Variants in ZNF483 observed in about 807,000 individuals in gnomAD.
ZNF483 encodes zinc finger protein HIT-10.
ZNF483 carries 9 observed loss-of-function variants against 28.6 expected under a neutral mutation model. That is an observed-to-expected ratio of 0.32 (90% CI 0.19 to 0.55). The LOEUF (loss-of-function observed/expected upper bound fraction) is 0.55, where lower values mean the gene tolerates loss of function less well. Ranked by LOEUF, ZNF483 falls within the 20% of genes least tolerant of loss-of-function variation. The probability of loss-of-function intolerance (pLI) is 0.93; values close to 1 mark genes in which losing one functional copy is unlikely to be tolerated. For synonymous variants in ZNF483, 322 were observed against 306.2 expected, an observed-to-expected ratio of 1.05 and a Z score of -0.54; for missense variants, 675 against 871.7, an observed-to-expected ratio of 0.77 and a Z score of 2.84.
At chr9:111,560,695 G>C (rs1828256191) in intron 5 of ZNF483, among the ~76,000 whole-genome samples, 1 of 143,428 alleles carries the variant, frequency 7.0e-6, no homozygotes, top group African/African-American at 2.6e-5. Context: ...TGTAATCCCA[G>C]CACTTTGGGA....
chr9:111,564,277 TTTATTATTATTA>T lies in ZNF483; in HGVS notation c.722-12055_722-12044del, dbSNP rs3031175. The stretch of plus-strand genomic sequence containing the variant: ...AAGTAGGGAAGCTGAAATTTAAACT[TTTATTATTATTA>T]TTATTATTATTATTATTATTATTAT... On this transcript the variant is annotated intron_variant, in intron 5 of 5. Coordinates refer to the ZNF483 transcript ENST00000358151. 1,209 of 486,280 alleles carry T rather than the reference TTTATTATTATTA, an allele frequency of 2.5e-3. 8 individuals are homozygous for T. The highest frequency in any genetic ancestry group is 0.014 in the African/African-American group (608 of 42,894). 30.1% of individuals were successfully genotyped at this position (486,280 alleles called of 1,614,324 possible). A position where few individuals can be genotyped will look rare whatever the true frequency, so the allele number is the denominator to read the frequency against.
chr9:111,544,318 T>C lies in ZNF483; in HGVS notation c.*1148T>C, dbSNP rs189378924. Reference sequence around the variant, plus strand: ...ATTCTGTGTGGCAACAGTTAAAAGCTGTTATAACAATTTGCTTGGGTGTGT... The same window carrying C: ...ATTCTGTGTGGCAACAGTTAAAAGCCGTTATAACAATTTGCTTGGGTGTGT... On this transcript the variant is annotated 3_prime_UTR_variant, in exon 6 of 6. Coordinates refer to ENST00000309235, the MANE Select transcript of ZNF483 (RefSeq NM_133464.5). 14 of 984,948 alleles carry C rather than the reference T, an allele frequency of 1.4e-5. No individual in the cohort carries two copies. The South Asian group carries it at 3.8e-4, about 26-fold the overall frequency. 61.0% of individuals were successfully genotyped at this position (984,948 alleles called of 1,614,324 possible).
At chr9:111,529,589 TA>T (rs1827268922) in intron 2 of ZNF483, among the ~76,000 whole-genome samples, 1 of 152,264 alleles carries the variant, frequency 6.6e-6, no homozygotes, top group African/African-American at 2.4e-5. Flanking sequence ...CTATGAAGAA[TA>T]CACAGTTTTA....
chr9:111,561,912 T>G (rs1828335164), intron 5 of ZNF483, among the ~76,000 whole-genome samples: 1 of 149,328 alleles, frequency 6.7e-6, no homozygotes, highest in African/African-American at 2.5e-5. Flanking sequence ...TGAGATGGAG[T>G]TTTGCTCTTG....
intron 5 of ZNF483, chr9:111,563,567 G>A (rs571405038): frequency 7.3e-4 from 121 of 165,586 alleles, no homozygotes; most frequent in Non-Finnish European, 1.0e-3. Flanking sequence ...GTGCAGTGCC[G>A]CGATCTTGGC....
Position 111,543,243 on chromosome 9 carries a change from A to G in ZNF483, c.*73A>G. 6.6e-7 allele frequency: 1 copy of G among 1,521,380 alleles called. No homozygotes were observed. The highest frequency in any genetic ancestry group is 1.3e-5 in the South Asian group (1 of 75,562). The allele number at this position is 1,521,380 out of a possible 1,614,324, so 94.2% of individuals were successfully genotyped here. On this transcript the variant is annotated 3_prime_UTR_variant, in exon 6 of 6. Coordinates refer to ENST00000309235, the MANE Select transcript of ZNF483 (RefSeq NM_133464.5). ...TACTGAAACCCTGGGATGTAAACTT[A>G]CAGTATTGATCAGTAGCTGCAGCTT...
At position 111,554,499 on chromosome 9, in the gene ZNF483, G is replaced by A. The variant is rs76747252; in HGVS notation, c.*11329G>A. Among the ~76,000 whole-genome samples, 10,866 of 152,210 alleles carry A rather than the reference G, an allele frequency of 0.071. 485 individuals carry two copies. The highest frequency in any genetic ancestry group is 0.15 in the East Asian group (762 of 5,186). ...TACAGTAGCCCCCTTATCCATGGGGGATATGCTCCAAGACCTCGAGTGGAT... is the reference window on the plus strand; with the variant it reads ...TACAGTAGCCCCCTTATCCATGGGGAATATGCTCCAAGACCTCGAGTGGAT... On this transcript the variant is annotated 3_prime_UTR_variant, in exon 6 of 6. Transcript: ENST00000309235.
intron 5 of ZNF483, chr9:111,562,912 A>T: frequency 7.4e-7 from 1 of 1,346,680 alleles, no homozygotes; most frequent in Non-Finnish European, 9.6e-7. Flanking sequence ...AGCTGTAGTG[A>T]ACAGTGAGGT....
chr9:111,545,152 C>T lies in ZNF483; in HGVS notation c.*1982C>T, dbSNP rs1192969698. ...GTCCGCATAGTTATTGCTAAGCAGA[C>T]CAACGAATCACATCCTAGCCATGAA... On this transcript the variant is annotated 3_prime_UTR_variant, in exon 6 of 6. Coordinates refer to ENST00000309235, the MANE Select transcript of ZNF483 (RefSeq NM_133464.5). 6.6e-6 allele frequency among the ~76,000 whole-genome samples: 1 copy of T among 152,064 alleles called. No individual in the cohort carries two copies.
rs1827731325 is a variant in ZNF483 at position 111,543,739 on chromosome 9, A to G, written c.*569A>G. The G allele has an allele frequency of 1.0e-6, 1 of 961,792 alleles. No individual in the cohort carries two copies. The highest frequency in any genetic ancestry group is 6.3e-5 in the Admixed American group (1 of 15,864). The allele number at this position is 961,792 out of a possible 1,614,324, so 59.6% of individuals were successfully genotyped here. On this transcript the variant is annotated 3_prime_UTR_variant, in exon 6 of 6. Coordinates refer to ENST00000309235, the MANE Select transcript of ZNF483 (RefSeq NM_133464.5). The stretch of plus-strand genomic sequence containing the variant: ...TTTCTCTAGTAAAAAATACAATACC[A>G]CTATTCAGGATGCTGGACTTCTTTT...
intron 5 of ZNF483, chr9:111,574,708 T>A (rs113983459): frequency 6.5e-7 from 1 of 1,536,738 alleles, no homozygotes; most frequent in Non-Finnish European, 9.0e-7. Context: ...TTGTGACATA[T>A]GGGATCGTGT....
chr9:111,565,213 GAC>G (rs2132325080), intron 5 of ZNF483, among the ~76,000 whole-genome samples: 1 of 152,232 alleles, frequency 6.6e-6, no homozygotes, highest in African/African-American at 2.4e-5. Context: ...TTAGGACATA[GAC>G]ACACAGAGAG....
downstream of ZNF483, among the ~76,000 whole-genome samples, chr9:111,559,057 CTCTG>C (rs1376078263): frequency 5.9e-5 from 9 of 152,246 alleles, no homozygotes; most frequent in South Asian, 1.7e-3. Flanking sequence ...CTTCCCAAAG[CTCTG>C]TCTGCTCATG....
chr9:111,540,238 C>T (rs1326526406), intron 5 of ZNF483, among the ~76,000 whole-genome samples: 1 of 152,018 alleles, frequency 6.6e-6, no homozygotes, highest in Non-Finnish European at 1.5e-5. Context: ...ACAAATTATG[C>T]AGTTTTTCTG....
chr9:111,564,890 G>A (rs185825769), intron 5 of ZNF483, among the ~76,000 whole-genome samples: 63 of 152,164 alleles, frequency 4.1e-4, no homozygotes, highest in African/African-American at 1.5e-3. Context: ...TTGGGAGGCT[G>A]AGGCGGGTGG....
chr9:111,567,242 C>T (rs559880870), intron 5 of ZNF483, among the ~76,000 whole-genome samples: 12 of 152,260 alleles, frequency 7.9e-5, no homozygotes, highest in African/African-American at 2.4e-4. Flanking sequence ...TGCTGGAGTG[C>T]AGTGGCACGA....
Position 111,565,912 on chromosome 9 carries a change from C to T in ZNF483, c.722-10453C>T, listed in dbSNP as rs73535446. Among the ~76,000 whole-genome samples, 524 of 152,172 alleles carry T rather than the reference C, an allele frequency of 3.4e-3. 4 individuals carry two copies. Among genetic ancestry groups the T allele is most frequent in the African/African-American group, 0.011 (475 of 41,506 alleles). On this transcript the variant is annotated intron_variant, in intron 5 of 5. Coordinates refer to the ZNF483 transcript ENST00000358151. Reference sequence around the variant, plus strand: ...ATGTGAAAGAAATTAGGCCAACTCACGACTTAAAACCCACTAGGGCTGGGC... The same window carrying T: ...ATGTGAAAGAAATTAGGCCAACTCATGACTTAAAACCCACTAGGGCTGGGC...
At position 111,549,717 on chromosome 9, in the gene ZNF483, C is replaced by T; in HGVS notation, c.*6547C>T. On this transcript the variant is annotated 3_prime_UTR_variant, in exon 6 of 6. Coordinates refer to ENST00000309235, the MANE Select transcript of ZNF483 (RefSeq NM_133464.5). ...AGTCCTTTTGTAAAGTGGACCCTTG[C>T]CTTCTAAGGTAATGGTGAATGATAC... 2 of 1,546,088 alleles carry T rather than the reference C, an allele frequency of 1.3e-6. No individual in the cohort carries two copies. Among genetic ancestry groups the T allele is most frequent in the Non-Finnish European group, 1.7e-6 (2 of 1,145,358 alleles).
At chr9:111,568,959 G>A (rs1828693273) in intron 5 of ZNF483, among the ~76,000 whole-genome samples, 1 of 152,156 alleles carries the variant, frequency 6.6e-6, no homozygotes, top group South Asian at 2.1e-4. Context: ...GATTAGACAT[G>A]GGTACGACAG....
Sources: gnomAD v4.1 joint callset for allele counts (sites outside exome capture counted in the v4.1 genomes callset) on GRCh38, gnomAD v4.1.1 for gene constraint, MANE v1.5 for transcripts, NCBI Gene and HGNC (gene_info 2026-07-23, HGNC 2026-07-21) for gene names.